The following SHROOM3 variants were observed in gnomAD, a reference collection of about 807,000 sequenced individuals.
The protein encoded by SHROOM3 is shroom family member 3, also known as protein Shroom3.
In SHROOM3, 47 loss-of-function variants were observed where a neutral mutation model predicts 138.6. The ratio of observed to expected loss-of-function variants is 0.34; its 90% CI spans 0.27 to 0.43. The LOEUF (loss-of-function observed/expected upper bound fraction) is 0.43, where lower values mean the gene tolerates loss of function less well. Among genes scored for constraint, SHROOM3 ranks in the 20% least tolerant of loss-of-function variants. The pLI, the probability that SHROOM3 is intolerant of heterozygous loss-of-function variation, is 1.00. For synonymous variants in SHROOM3, 1,062 were observed against 1,063.3 expected, an observed-to-expected ratio of 1.00 and a Z score of 0.02; for missense variants, 2,491 against 2,596.5, an observed-to-expected ratio of 0.96 and a Z score of 0.88.
At chr4:76,692,377 C>T (rs919311113) in intron 2 of SHROOM3, among the ~76,000 whole-genome samples, 12 of 152,214 alleles carry the variant, frequency 7.9e-5, no homozygotes, top group African/African-American at 1.9e-4. Flanking sequence ...CTCAGGAACT[C>T]GTCTTATAAG....
rs72870032 is a variant in SHROOM3 at position 76,659,187 on chromosome 4, A to C, written c.324-50969A>C. Among the ~76,000 whole-genome samples the C allele has an allele frequency of 5.4e-3, 823 of 152,254 alleles. 2 individuals are homozygous for C. The highest frequency in any genetic ancestry group is 0.019 in the African/African-American group (777 of 41,538). On this transcript the variant is annotated intron_variant, in intron 2 of 10. Coordinates refer to ENST00000296043, the MANE Select transcript of SHROOM3 (RefSeq NM_020859.4). ...TGTGAATACTCAAGGCCCATCCTTC[A>C]GCCACCTCTCCTCTCCCTCAAAGCA...
chr4:76,653,536 T>A (rs1015498084), intron 2 of SHROOM3, among the ~76,000 whole-genome samples: 7 of 151,702 alleles, frequency 4.6e-5, no homozygotes, highest in African/African-American at 1.7e-4. Flanking sequence ...AGAGTCACAT[T>A]CTTGTCTTCA....
intron 2 of SHROOM3, among the ~76,000 whole-genome samples, chr4:76,606,273 A>G (rs185236601): frequency 2.6e-4 from 39 of 150,734 alleles, no homozygotes; most frequent in African/African-American, 9.0e-4. Flanking sequence ...CGGCCTCCCA[A>G]AGTGCTGGGA....
chr4:76,474,151 C>T lies in SHROOM3; in HGVS notation c.168+37931C>T, dbSNP rs367845672. On this transcript the variant is annotated intron_variant, in intron 1 of 10. Coordinates refer to ENST00000296043, the MANE Select transcript of SHROOM3 (RefSeq NM_020859.4). ...TGATTCATGCTACAGCACAGAGGAA[C>T]ATTAAAACGTTATGCTATGTGAAAG... Among the ~76,000 whole-genome samples the T allele has an allele frequency of 7.9e-5, 12 of 152,234 alleles. No homozygotes were observed. The East Asian group carries it at 2.3e-3, about 29-fold the overall frequency.
chr4:76,682,752 T>C (rs926810792), intron 2 of SHROOM3, among the ~76,000 whole-genome samples: 4 of 152,226 alleles, frequency 2.6e-5, no homozygotes, highest in Admixed American at 2.6e-4. Context: ...TTGATGATTA[T>C]CTAAGTCACG....
chr4:76,680,224 T>C (rs932702462), intron 2 of SHROOM3, among the ~76,000 whole-genome samples: 2 of 150,736 alleles, frequency 1.3e-5, no homozygotes, highest in African/African-American at 4.9e-5. Flanking sequence ...CACTGCAAGC[T>C]CCGCCTCCTG....
intron 1 of SHROOM3, among the ~76,000 whole-genome samples, chr4:76,552,881 T>C (rs1431441953): frequency 6.6e-6 from 1 of 152,166 alleles, no homozygotes; most frequent in Non-Finnish European, 1.5e-5. Context: ...GTTATTGACG[T>C]CTATAAGTAT....
chr4:76,706,412 C>A (rs72663213), intron 2 of SHROOM3, among the ~76,000 whole-genome samples: 19,319 of 151,914 alleles, frequency 0.13, 1,491 homozygotes, highest in East Asian at 0.21. Flanking sequence ...TGTGCCTGGC[C>A]GAAAAGAATG....
At chr4:76,685,914 G>A (rs1719323035) in intron 2 of SHROOM3, among the ~76,000 whole-genome samples, 1 of 152,324 alleles carries the variant, frequency 6.6e-6, no homozygotes, top group East Asian at 1.9e-4. Context: ...AGAGGTTGCA[G>A]TGAGCTGAGA....
At chr4:76,687,124 AT>A (rs369320754) in intron 2 of SHROOM3, among the ~76,000 whole-genome samples, 13 of 152,244 alleles carry the variant, frequency 8.5e-5, no homozygotes, top group African/African-American at 2.7e-4. Flanking sequence ...CATGTGAATC[AT>A]CTGTCCATTA....
At chr4:76,750,036 A>G (rs1721569927) in intron 6 of SHROOM3, among the ~76,000 whole-genome samples, 1 of 152,156 alleles carries the variant, frequency 6.6e-6, no homozygotes, top group Admixed American at 6.5e-5. Flanking sequence ...ACACAACCTA[A>G]TTCTGTCAAG....
chr4:76,582,389 G>A (rs373985450), intron 2 of SHROOM3, among the ~76,000 whole-genome samples: 2 of 151,752 alleles, frequency 1.3e-5, no homozygotes, highest in African/African-American at 4.8e-5. Context: ...AAAAAAAAAT[G>A]AGCAAAGAAA....
chr4:76,524,056 G>A (rs1027583364), intron 1 of SHROOM3, among the ~76,000 whole-genome samples: 13 of 152,202 alleles, frequency 8.5e-5, no homozygotes, highest in Non-Finnish European at 1.3e-4. Flanking sequence ...TGGGACAAGC[G>A]GACAAGCCAG....
chr4:76,671,447 C>T (rs1011232235), intron 2 of SHROOM3, among the ~76,000 whole-genome samples: 7 of 152,354 alleles, frequency 4.6e-5, no homozygotes, highest in Middle Eastern at 6.8e-3. Context: ...CCTTTGTGCC[C>T]AGGCTGTGTG....
Position 76,603,967 on chromosome 4 carries a change from C to T in SHROOM3, c.323+48204C>T, listed in dbSNP as rs571953900. Among the ~76,000 whole-genome samples the T allele has an allele frequency of 1.1e-4, 16 of 151,646 alleles. 1 individual carries two copies. The South Asian group carries it at 2.9e-3, about 28-fold the overall frequency. Reference sequence around the variant, plus strand: ...AAGTGATTCTCCTGCCTCAGCCTCCCGAGTAGTTGGGATTACAAGCACCTG... The same window carrying T: ...AAGTGATTCTCCTGCCTCAGCCTCCTGAGTAGTTGGGATTACAAGCACCTG... On this transcript the variant is annotated intron_variant, in intron 2 of 10. Coordinates refer to ENST00000296043, the MANE Select transcript of SHROOM3 (RefSeq NM_020859.4).
intron 1 of SHROOM3, among the ~76,000 whole-genome samples, chr4:76,456,450 A>G (rs1196889860): frequency 6.6e-6 from 1 of 152,118 alleles, no homozygotes; most frequent in East Asian, 1.9e-4. Context: ...GATTTGTGGA[A>G]TTTTTTTCTG....
intron 2 of SHROOM3, among the ~76,000 whole-genome samples, chr4:76,707,211 G>C (rs1560597285): frequency 6.6e-6 from 1 of 152,136 alleles, no homozygotes; most frequent in Non-Finnish European, 1.5e-5. Flanking sequence ...GTTAGTAATT[G>C]TAACGCCTAC....
chr4:76,647,938 ATATTT>A (rs994138752), intron 2 of SHROOM3, among the ~76,000 whole-genome samples: 2 of 152,154 alleles, frequency 1.3e-5, no homozygotes, highest in Admixed American at 6.5e-5. Flanking sequence ...ATGGACCTAG[ATATTT>A]TATTTTATGT....
chr4:76,747,107 C>T (rs564642369), intron 5 of SHROOM3, among the ~76,000 whole-genome samples: 38 of 152,172 alleles, frequency 2.5e-4, no homozygotes, highest in Middle Eastern at 6.8e-3. Flanking sequence ...CGTGAGCCAC[C>T]GCGCCCGACC....
Sources: gnomAD v4.1 joint callset for allele counts (sites outside exome capture counted in the v4.1 genomes callset) on GRCh38, gnomAD v4.1.1 for gene constraint, MANE v1.5 for transcripts, NCBI Gene and HGNC (gene_info 2026-07-23, HGNC 2026-07-21) for gene names.